Variants in CREB5 observed in about 807,000 individuals in gnomAD.
CREB5 encodes the protein cyclic AMP-responsive element-binding protein 5.
CREB5 carries 19 observed loss-of-function variants against 57.1 expected under a neutral mutation model. The ratio of observed to expected loss-of-function variants is 0.33; its 90% confidence interval spans 0.23 to 0.49. CREB5 has a LOEUF of 0.49. Ranked by LOEUF, CREB5 falls within the 20% of genes least tolerant of loss-of-function variation. CREB5 has a pLI of 0.99. For synonymous variants in CREB5, 238 were observed against 238.3 expected (o/e 1.00, Z 0.01); for missense variants, 579 against 671.6 (o/e 0.86, Z 1.52).
At chr7:28,496,590 C>T (rs946611518) in intron 3 of CREB5, among the ~76,000 whole-genome samples, 2 of 152,098 alleles carry the variant, frequency 1.3e-5, no homozygotes, top group Non-Finnish European at 2.9e-5. Context: ...AACCCACTAA[C>T]CTGCACACGG....
chr7:28,662,756 G>A (rs369654704), intron 5 of CREB5, among the ~76,000 whole-genome samples: 39 of 152,146 alleles, frequency 2.6e-4, no homozygotes, highest in African/African-American at 9.2e-4. Context: ...TGGTAAATGA[G>A]TTAGCTACTG....
chr7:28,596,070 A>G (rs1387719110), intron 5 of CREB5, among the ~76,000 whole-genome samples: 1 of 152,206 alleles, frequency 6.6e-6, no homozygotes, highest in Non-Finnish European at 1.5e-5. Flanking sequence ...TTGGGATTTC[A>G]TTGTCTTCTC....
chr7:28,672,976 C>T (rs1473776031), intron 5 of CREB5, among the ~76,000 whole-genome samples: 1 of 152,002 alleles, frequency 6.6e-6, no homozygotes, highest in African/African-American at 2.4e-5. Flanking sequence ...ACCTTGAGTC[C>T]CCTGGACCCC....
chr7:28,604,365 A>G (rs1797033976), intron 5 of CREB5, among the ~76,000 whole-genome samples: 1 of 152,178 alleles, frequency 6.6e-6, no homozygotes, highest in Non-Finnish European at 1.5e-5. Flanking sequence ...TGTGGATGAA[A>G]GATTAATAAT....
At chr7:28,430,909 G>C (rs370562036) in intron 1 of CREB5, among the ~76,000 whole-genome samples, 5 of 152,166 alleles carry the variant, frequency 3.3e-5, no homozygotes, top group African/African-American at 1.2e-4. Context: ...ACCTCAGTGG[G>C]GGAAGATCTC....
intron 1 of CREB5, among the ~76,000 whole-genome samples, chr7:28,483,146 A>G (rs1054016252): frequency 3.3e-5 from 5 of 152,222 alleles, no homozygotes; most frequent in Non-Finnish European, 7.3e-5. Flanking sequence ...TATATTGTGT[A>G]GGCTGTCCAC....
intron 5 of CREB5, among the ~76,000 whole-genome samples, chr7:28,699,405 A>C (rs1032947195): frequency 6.6e-6 from 1 of 152,172 alleles, no homozygotes. Context: ...GGACAAATCT[A>C]TTTATTATCT....
At chr7:28,622,263 A>T (rs1699335) in intron 5 of CREB5, among the ~76,000 whole-genome samples, 15,324 of 133,042 alleles carry the variant, frequency 0.12, 840 homozygotes, top group East Asian at 0.29. Flanking sequence ...TCTCTCTCAC[A>T]CACACACACA....
At chr7:28,711,033 G>T (rs1406922917) in intron 5 of CREB5, among the ~76,000 whole-genome samples, 1 of 152,160 alleles carries the variant, frequency 6.6e-6, no homozygotes, top group African/African-American at 2.4e-5. Context: ...AATCACTATG[G>T]CAGGTATACC....
intron 7 of CREB5, among the ~76,000 whole-genome samples, chr7:28,767,048 A>G (rs760014748): frequency 2.0e-5 from 3 of 152,244 alleles, no homozygotes; most frequent in Non-Finnish European, 4.4e-5. Flanking sequence ...TTTAACAAAG[A>G]GTAATACACA....
intron 5 of CREB5, among the ~76,000 whole-genome samples, chr7:28,709,312 A>G (rs1802284758): frequency 6.6e-6 from 1 of 152,194 alleles, no homozygotes; most frequent in Non-Finnish European, 1.5e-5. Context: ...AAGGAAAAAA[A>G]AATCAGATTT....
Position 28,393,115 on chromosome 7 carries a change from C to T in CREB5, c.-25+93674C>T, listed in dbSNP as rs575334539. ...AATTTTATGTTATTTTTAGTAGAGA[C>T]GGAGTTTCTCCATGTTGATCAGGCT... On this transcript the variant is annotated intron_variant, in intron 1 of 9. Transcript: ENST00000396299. 3.9e-5 allele frequency among the ~76,000 whole-genome samples: 6 copies of T among 152,126 alleles called. No individual in the cohort carries two copies. The East Asian group carries it at 5.8e-4, about 15-fold the overall frequency.
At chr7:28,523,373 C>T (rs534396120) in intron 4 of CREB5, among the ~76,000 whole-genome samples, 4 of 152,198 alleles carry the variant, frequency 2.6e-5, no homozygotes, top group Non-Finnish European at 5.9e-5. Context: ...CCAATTCAAT[C>T]GAAAAACGTT....
At chr7:28,562,981 C>A (rs1795338343) in intron 4 of CREB5, among the ~76,000 whole-genome samples, 1 of 152,174 alleles carries the variant, frequency 6.6e-6, no homozygotes, top group African/African-American at 2.4e-5. Flanking sequence ...CGTCTGAAGC[C>A]AAACTGCCTA....
intron 5 of CREB5, among the ~76,000 whole-genome samples, chr7:28,682,731 T>A (rs1800666478): frequency 6.6e-6 from 1 of 152,054 alleles, no homozygotes; most frequent in Non-Finnish European, 1.5e-5. Flanking sequence ...CTCCATTGTT[T>A]CTCATATTTG....
At chr7:28,655,779 A>G (rs374850614) in intron 5 of CREB5, among the ~76,000 whole-genome samples, 19 of 152,216 alleles carry the variant, frequency 1.2e-4, no homozygotes, top group Admixed American at 2.0e-4. Context: ...TTTAGTTTTC[A>G]TAATGGTACC....
At chr7:28,364,032 TTTAG>T (rs777267917) in intron 1 of CREB5, among the ~76,000 whole-genome samples, 5 of 152,200 alleles carry the variant, frequency 3.3e-5, no homozygotes, top group Non-Finnish European at 7.4e-5. Context: ...CAACTGAAGT[TTTAG>T]TTAGTTGAAA....
intron 1 of CREB5, among the ~76,000 whole-genome samples, chr7:28,341,180 G>A (rs1194819117): frequency 3.3e-5 from 5 of 152,024 alleles, no homozygotes; most frequent in Non-Finnish European, 7.4e-5. Context: ...ATGATTGGTG[G>A]AGGCTTCTAT....
chr7:28,520,264 T>G (rs114783306), intron 4 of CREB5, among the ~76,000 whole-genome samples: 1 of 152,234 alleles, frequency 6.6e-6, no homozygotes, highest in African/African-American at 2.4e-5. Flanking sequence ...CACACACTTA[T>G]GCCAACTTCC....
Sources: allele counts gnomAD v4.1 joint callset (sites outside exome capture counted in the v4.1 genomes callset), GRCh38; gene constraint gnomAD v4.1.1; transcripts MANE v1.5; gene names NCBI Gene and HGNC (gene_info 2026-07-23, HGNC 2026-07-21).